The following ZNG1B variants were observed in gnomAD, a reference collection of about 807,000 sequenced individuals.
ZNG1B encodes the protein zinc-regulated GTPase metalloprotein activator 1B.
At chr2:113,442,764 A>G in the ZNG1B span, among the ~76,000 whole-genome samples, 1 of 152,212 alleles carries the variant, frequency 6.6e-6, no homozygotes, top group Non-Finnish European at 1.5e-5. Flanking sequence ...TGAAATATAA[A>G]AAATACGTAA....
the ZNG1B span, among the ~76,000 whole-genome samples, chr2:113,451,174 C>T: frequency 1.3e-5 from 2 of 151,234 alleles, no homozygotes; most frequent in South Asian, 4.2e-4. Flanking sequence ...TACTTTTTGC[C>T]ATTTTGGAGT....
At chr2:113,446,284 CT>C in the ZNG1B span, among the ~76,000 whole-genome samples, 6 of 152,066 alleles carry the variant, frequency 3.9e-5, no homozygotes, top group Admixed American at 1.3e-4. Context: ...ACAGAGAAAG[CT>C]TTTATACAAA....
chr2:113,462,440 A>G, the ZNG1B span: 2 of 1,599,122 alleles, frequency 1.3e-6, no homozygotes, highest in Non-Finnish European at 1.7e-6. Flanking sequence ...ATTCTCATTA[A>G]TAAAACAGAC....
At chr2:113,439,175 C>A in the ZNG1B span, 3 of 1,261,212 alleles carry the variant, frequency 2.4e-6, no homozygotes, top group South Asian at 2.8e-5. Flanking sequence ...GAATTAATAC[C>A]AGCAACCTTG....
At chr2:113,446,936 GACCA>G in the ZNG1B span, among the ~76,000 whole-genome samples, 1 of 151,286 alleles carries the variant, frequency 6.6e-6, no homozygotes, top group Admixed American at 6.6e-5. Flanking sequence ...GCAAATTCTT[GACCA>G]ACCCAGATCT....
the ZNG1B span, among the ~76,000 whole-genome samples, chr2:113,487,099 C>T: frequency 2.0e-5 from 3 of 151,980 alleles, no homozygotes; most frequent in Admixed American, 6.6e-5. Flanking sequence ...CGCATAACAG[C>T]GTTTTAGTCA....
the ZNG1B span, among the ~76,000 whole-genome samples, chr2:113,492,409 G>T: frequency 9.3e-6 from 1 of 107,138 alleles, no homozygotes; most frequent in East Asian, 4.3e-4. Flanking sequence ...ACCAAACATC[G>T]CTATGTTCTC....
At chr2:113,443,771 T>G in the ZNG1B span, 240 of 1,611,104 alleles carry the variant, frequency 1.5e-4, 1 homozygote, top group Admixed American at 3.4e-5. Context: ...TTCTAGGAAG[T>G]GCGCTGGAGA....
the ZNG1B span, among the ~76,000 whole-genome samples, chr2:113,458,471 C>G: frequency 6.7e-6 from 1 of 150,072 alleles, no homozygotes; most frequent in East Asian, 2.0e-4. Context: ...TTGGCAGGCT[C>G]TCATTTGGGG....
the ZNG1B span, chr2:113,439,178 C>T: frequency 8.0e-7 from 1 of 1,257,316 alleles, no homozygotes; most frequent in Non-Finnish European, 1.1e-6. Context: ...TTAATACCAG[C>T]AACCTTGTTG....
chr2:113,438,402 T>C, the ZNG1B span, among the ~76,000 whole-genome samples: 1 of 152,072 alleles, frequency 6.6e-6, no homozygotes. Context: ...CGGAACCACC[T>C]ACCTGTTGCC....
chr2:113,460,933 G>A, the ZNG1B span, among the ~76,000 whole-genome samples: 419 of 150,884 alleles, frequency 2.8e-3, 5 homozygotes, highest in African/African-American at 9.7e-3. Context: ...TAAAGTGAAT[G>A]CTGAACACAG....
the ZNG1B span, among the ~76,000 whole-genome samples, chr2:113,472,184 T>G: frequency 6.6e-6 from 1 of 151,248 alleles, no homozygotes; most frequent in Non-Finnish European, 1.5e-5. Context: ...TTCTAACTGG[T>G]GTGAGATAGT....
the ZNG1B span, chr2:113,471,222 A>T: frequency 7.1e-7 from 1 of 1,412,542 alleles, no homozygotes; most frequent in South Asian, 1.2e-5. Flanking sequence ...ACCATACTTA[A>T]TGAGGTATAT....
the ZNG1B span, among the ~76,000 whole-genome samples, chr2:113,471,353 A>G: frequency 2.0e-5 from 3 of 152,238 alleles, no homozygotes; most frequent in South Asian, 2.1e-4. Flanking sequence ...CAAACACTAT[A>G]TCTAGTACTC....
At chr2:113,453,161 G>A in the ZNG1B span, 1 of 1,592,814 alleles carries the variant, frequency 6.3e-7, no homozygotes, top group African/African-American at 1.4e-5. Flanking sequence ...CTATGTTTTG[G>A]GTTGATGCTG....
chr2:113,449,787 G>A, the ZNG1B span, among the ~76,000 whole-genome samples: 1 of 151,444 alleles, frequency 6.6e-6, no homozygotes, highest in African/African-American at 2.4e-5. Context: ...CTTTGTAAAT[G>A]TTGTTCCATA....
At chr2:113,437,699 A>G in the ZNG1B span, 13 of 1,502,430 alleles carry the variant, frequency 8.7e-6, no homozygotes, top group East Asian at 2.3e-4. Context: ...CTAAGGGACG[A>G]GGCGCTTCTC....
At chr2:113,471,216 T>A in the ZNG1B span, 4 of 1,420,572 alleles carry the variant, frequency 2.8e-6, no homozygotes, top group Non-Finnish European at 3.9e-6. Context: ...TACAAGACCA[T>A]ACTTAATGAG....
Sources: gnomAD v4.1 joint callset for allele counts (sites outside exome capture counted in the v4.1 genomes callset) on GRCh38, gnomAD v4.1.1 for gene constraint, MANE v1.5 for transcripts, NCBI Gene and HGNC (gene_info 2026-07-23, HGNC 2026-07-21) for gene names.